The following PLCXD3 variants were observed in gnomAD, a reference collection of about 807,000 sequenced individuals.
PLCXD3 encodes phosphatidylinositol specific phospholipase C X domain containing 3.
In PLCXD3, 19 loss-of-function variants were observed where a neutral mutation model predicts 25.5. The ratio of observed to expected loss-of-function variants is 0.75; its 90% confidence interval spans 0.52 to 1.09. PLCXD3 has a LOEUF of 1.09. Among genes scored for constraint, PLCXD3 ranks in the 50% least tolerant of loss-of-function variants. The pLI is 0.00. For missense variants in PLCXD3, 411 were observed against 388.1 expected (o/e 1.06, Z -0.50); for synonymous variants, 174 against 137.6 (o/e 1.26, Z -1.85).
intron 1 of PLCXD3, among the ~76,000 whole-genome samples, chr5:41,456,854 C>T (rs966960901): frequency 1.3e-5 from 2 of 151,946 alleles, no homozygotes; most frequent in Admixed American, 6.6e-5. Context: ...TTTCTCAGCC[C>T]CCCAAACTGT....
At chr5:41,315,540 A>T (rs1361736424) in intron 2 of PLCXD3, among the ~76,000 whole-genome samples, 1 of 152,202 alleles carries the variant, frequency 6.6e-6, no homozygotes, top group African/African-American at 2.4e-5. Context: ...TCCTGCAAGG[A>T]TACCAAGTTA....
intron 2 of PLCXD3, among the ~76,000 whole-genome samples, chr5:41,328,058 TAAA>T (rs927563229): frequency 6.6e-6 from 1 of 150,740 alleles, no homozygotes; most frequent in African/African-American, 2.4e-5. Flanking sequence ...TAAATGAAAT[TAAA>T]AAAAAAATTT....
intron 1 of PLCXD3, among the ~76,000 whole-genome samples, chr5:41,427,809 A>G (rs1746997642): frequency 6.6e-6 from 1 of 152,148 alleles, no homozygotes; most frequent in Non-Finnish European, 1.5e-5. Context: ...AACAACTCTT[A>G]TGGTGATTTC....
chr5:41,433,746 T>G lies in PLCXD3; in HGVS notation c.104-51212A>C, dbSNP rs534257802. ...GCAGCCTTGCTCATCTCAGCTGATC[T>G]AAACAGCGCCCTCACAGGAGGGAGA... On this transcript the variant is annotated intron_variant, in intron 1 of 2. Coordinates refer to ENST00000377801, the MANE Select transcript of PLCXD3 (RefSeq NM_001005473.3). 1.6e-3 allele frequency among the ~76,000 whole-genome samples: 240 copies of G among 152,318 alleles called. 7 individuals carry two copies. In the South Asian group the frequency reaches 0.049, roughly 31 times the overall value.
chr5:41,332,612 A>C (rs953804550), intron 2 of PLCXD3, among the ~76,000 whole-genome samples: 2 of 152,168 alleles, frequency 1.3e-5, no homozygotes, highest in African/African-American at 4.8e-5. Flanking sequence ...CCAAAGGACT[A>C]TAAATCATGC....
At chr5:41,352,582 A>C (rs1177264717) in intron 2 of PLCXD3, among the ~76,000 whole-genome samples, 2 of 152,220 alleles carry the variant, frequency 1.3e-5, no homozygotes, top group African/African-American at 4.8e-5. Context: ...ACTTGATTAG[A>C]ATAAAAGGTA....
At chr5:41,417,308 A>G (rs2150505088) in intron 1 of PLCXD3, among the ~76,000 whole-genome samples, 1 of 152,278 alleles carries the variant, frequency 6.6e-6, no homozygotes. Context: ...GAGTTTTGCC[A>G]TTGCCATTGG....
chr5:41,360,047 T>G (rs993374915), intron 2 of PLCXD3, among the ~76,000 whole-genome samples: 1 of 152,136 alleles, frequency 6.6e-6, no homozygotes, highest in African/African-American at 2.4e-5. Flanking sequence ...AAATTCTTTT[T>G]TATTTGTGTT....
intron 2 of PLCXD3, among the ~76,000 whole-genome samples, chr5:41,355,504 G>A (rs949188496): frequency 1.3e-5 from 2 of 152,108 alleles, no homozygotes; most frequent in Non-Finnish European, 2.9e-5. Context: ...CCCTTTTCAT[G>A]AACTCAGTCA....
intron 1 of PLCXD3, among the ~76,000 whole-genome samples, chr5:41,397,137 G>A (rs545197480): frequency 6.6e-6 from 1 of 152,304 alleles, no homozygotes; most frequent in African/African-American, 2.4e-5. Flanking sequence ...AATAGCCAAG[G>A]CAATGGGGAA....
chr5:41,425,279 A>C, intron 1 of PLCXD3, among the ~76,000 whole-genome samples: 1 of 152,168 alleles, frequency 6.6e-6, no homozygotes, highest in South Asian at 2.1e-4. Flanking sequence ...TATAATATAA[A>C]AGTGAATCTG....
intron 1 of PLCXD3, among the ~76,000 whole-genome samples, chr5:41,385,232 T>C (rs1490284115): frequency 6.6e-6 from 1 of 152,110 alleles, no homozygotes; most frequent in Non-Finnish European, 1.5e-5. Context: ...ACTTTTCGGC[T>C]ATATCTGGTC....
chr5:41,510,590 C>G lies in PLCXD3; in HGVS notation c.-64G>C, dbSNP rs989866641. 5 of 1,308,326 alleles carry G rather than the reference C, an allele frequency of 3.8e-6. No homozygotes were observed. The highest frequency in any genetic ancestry group is 1.3e-5 in the South Asian group (1 of 79,264). The allele number at this position is 1,308,326 out of a possible 1,614,324, so 81.0% of individuals were successfully genotyped here. A position where few individuals can be genotyped will look rare whatever the true frequency, so the allele number is the denominator to read the frequency against. ...CTCGGGCAGGCTGGCAGGCTGCTGC[C>G]GCTAATCCAATGTTTGCTCTAGCCC... On this transcript the variant is annotated 5_prime_UTR_variant, in exon 1 of 3. Coordinates refer to ENST00000377801, the MANE Select transcript of PLCXD3 (RefSeq NM_001005473.3).
intron 1 of PLCXD3, among the ~76,000 whole-genome samples, chr5:41,439,559 G>A (rs1747332816): frequency 6.6e-6 from 1 of 152,092 alleles, no homozygotes; most frequent in African/African-American, 2.4e-5. Flanking sequence ...AGGTGGCCTT[G>A]AGAATAGTCT....
chr5:41,312,583 C>G lies in PLCXD3; in HGVS notation c.*1034G>C, dbSNP rs370359612. The G allele has an allele frequency of 1.3e-5, 2 of 150,474 alleles. No homozygotes were observed. The highest frequency in any genetic ancestry group is 2.0e-4 in the East Asian group (1 of 5,118). The allele number at this position is 150,474 out of a possible 1,614,324, so 9.3% of individuals were successfully genotyped here. ...CCTCCCTCTCTTCCTCCCTCCCTCC[C>G]TCTCTTCCTTCCTTCCTTCCTCCCT... On this transcript the variant is annotated 3_prime_UTR_variant, in exon 3 of 3. Coordinates refer to ENST00000377801, the MANE Select transcript of PLCXD3 (RefSeq NM_001005473.3).
chr5:41,427,456 A>G (rs1175051000), intron 1 of PLCXD3, among the ~76,000 whole-genome samples: 2 of 152,170 alleles, frequency 1.3e-5, no homozygotes, highest in Non-Finnish European at 2.9e-5. Context: ...TATCCTTTCA[A>G]GTGACACTTT....
At chr5:41,353,251 C>T (rs1744523777) in intron 2 of PLCXD3, among the ~76,000 whole-genome samples, 1 of 150,880 alleles carries the variant, frequency 6.6e-6, no homozygotes, top group Non-Finnish European at 1.5e-5. Flanking sequence ...CGCCACCATG[C>T]TCGGCTAATT....
At chr5:41,439,500 C>T (rs1483469348) in intron 1 of PLCXD3, among the ~76,000 whole-genome samples, 1 of 151,810 alleles carries the variant, frequency 6.6e-6, no homozygotes, top group African/African-American at 2.4e-5. Context: ...TTGAGGAGTA[C>T]CCTTTCTCCT....
intron 1 of PLCXD3, among the ~76,000 whole-genome samples, chr5:41,496,197 G>A (rs371593056): frequency 2.0e-5 from 3 of 151,918 alleles, no homozygotes; most frequent in East Asian, 3.9e-4. Flanking sequence ...GAATAAAACA[G>A]AAGAAATCCT....
Sources: gnomAD v4.1 joint callset for allele counts (sites outside exome capture counted in the v4.1 genomes callset) on GRCh38, gnomAD v4.1.1 for gene constraint, MANE v1.5 for transcripts, NCBI Gene and HGNC (gene_info 2026-07-23, HGNC 2026-07-21) for gene names.